MSI2: variants seen among roughly 807,000 people sequenced by gnomAD.
MSI2 encodes RNA-binding protein Musashi homolog 2.
Under a neutral mutation model 45.6 loss-of-function variants are expected in MSI2, and 17 were observed. That is an observed-to-expected ratio of 0.37 (90% confidence interval 0.26 to 0.56). The LOEUF is 0.56. MSI2 is among the 20% of genes least tolerant of loss of function. The pLI is 0.77. For synonymous variants in MSI2, 156 were observed against 158.2 expected, an observed-to-expected ratio of 0.99 and a Z score of 0.11; for missense variants, 293 against 444.2, an observed-to-expected ratio of 0.66 and a Z score of 3.06.
At chr17:57,352,469 A>T (rs1272836611) in intron 5 of MSI2, among the ~76,000 whole-genome samples, 1 of 152,360 alleles carries the variant, frequency 6.6e-6, no homozygotes, top group South Asian at 2.1e-4. Flanking sequence ...AGGGAAGCAG[A>T]TGAAGAGGAG....
At chr17:57,408,581 C>T (rs941572743) in intron 6 of MSI2, among the ~76,000 whole-genome samples, 3 of 152,174 alleles carry the variant, frequency 2.0e-5, no homozygotes, top group Admixed American at 1.3e-4. Context: ...AGTTAATGAG[C>T]CCTGGGTGGG....
At chr17:57,559,133 C>T (rs546527222) in intron 7 of MSI2, among the ~76,000 whole-genome samples, 5 of 152,122 alleles carry the variant, frequency 3.3e-5, no homozygotes, top group Non-Finnish European at 5.9e-5. Flanking sequence ...AAATCAGAAC[C>T]ACAAAAGCAG....
rs1464182485 is a variant in MSI2, at chr17:57,621,113, CT to C, written c.652+5030del. Among the ~76,000 whole-genome samples, 203 of 152,322 alleles carry C rather than the reference CT, an allele frequency of 1.3e-3. 2 individuals carry two copies. The highest frequency in any genetic ancestry group is 4.8e-3 in the African/African-American group (199 of 41,566). On this transcript the variant is annotated intron_variant, in intron 9 of 13. Transcript: ENST00000284073. ...GTTTCTCTTTCTTCTTGCTTCTTCC[CT>C]CGAAAGTGGTAGTGTAGCATCAGGC... is the stretch of plus-strand genomic sequence containing the variant.
the MSI2 span, among the ~76,000 whole-genome samples, chr17:57,698,924 T>TGTTTGTGC: frequency 1.0e-4 from 15 of 146,534 alleles, no homozygotes; most frequent in African/African-American, 3.4e-4. Context: ...TGTGTGTGTG[T>TGTTTGTGC]GTGTGTGTGT....
intron 7 of MSI2, among the ~76,000 whole-genome samples, chr17:57,539,554 C>T (rs1000164912): frequency 1.8e-4 from 4 of 22,062 alleles, no homozygotes; most frequent in Non-Finnish European, 3.5e-4. Context: ...TAGCCAGGAA[C>T]GGTGGCACGT....
At chr17:57,260,417 C>G (rs1163342933) in intron 4 of MSI2, among the ~76,000 whole-genome samples, 1 of 152,186 alleles carries the variant, frequency 6.6e-6, no homozygotes, top group Non-Finnish European at 1.5e-5. Flanking sequence ...CTTCTTCCAG[C>G]TCCTGGCACC....
intron 11 of MSI2, among the ~76,000 whole-genome samples, chr17:57,657,160 G>A (rs1042171657): frequency 6.6e-6 from 1 of 152,188 alleles, no homozygotes; most frequent in Non-Finnish European, 1.5e-5. Context: ...AAATGGTAGC[G>A]CTGTGGAAAG....
intron 7 of MSI2, among the ~76,000 whole-genome samples, chr17:57,584,841 A>G (rs1186875640): frequency 6.9e-6 from 1 of 145,018 alleles, no homozygotes; most frequent in Non-Finnish European, 1.5e-5. Flanking sequence ...TCTTTTTTTG[A>G]GTTGGGGTCT....
chr17:57,640,937 A>G (rs1278775622), intron 10 of MSI2, among the ~76,000 whole-genome samples: 3 of 152,232 alleles, frequency 2.0e-5, no homozygotes, highest in African/African-American at 7.2e-5. Context: ...AAAGTAAGGA[A>G]TAGAGAAGGC....
rs529302748 is a variant in MSI2, at chr17:57,665,816, C to T, written c.791-9156C>T. ...GGGGGAGGGGAGTTCTAGCGAGGGC[C>T]CAGGGTTAACCAGGGCTTACTTTCC... On this transcript the variant is annotated intron_variant, in intron 11 of 13. Transcript: ENST00000284073. Among the ~76,000 whole-genome samples, 3 of 152,222 alleles carry T rather than the reference C, an allele frequency of 2.0e-5. No individual in the cohort carries two copies. The East Asian group carries it at 5.8e-4, about 29-fold the overall frequency.
intron 5 of MSI2, chr17:57,267,565 T>G (rs1031765932): frequency 6.6e-6 from 1 of 152,058 alleles, no homozygotes; most frequent in Non-Finnish European, 1.5e-5. Context: ...CCATTCTTTG[T>G]GTCCTATTTT....
intron 6 of MSI2, among the ~76,000 whole-genome samples, chr17:57,410,514 T>C: frequency 6.6e-6 from 1 of 151,152 alleles, no homozygotes; most frequent in Non-Finnish European, 1.5e-5. Flanking sequence ...CTGTGTCTCT[T>C]GAAAAAAAAA....
intron 4 of MSI2, among the ~76,000 whole-genome samples, chr17:57,261,622 G>A (rs1907317637): frequency 6.6e-6 from 1 of 152,066 alleles, no homozygotes; most frequent in African/African-American, 2.4e-5. Context: ...GATGTCTGTG[G>A]GGAGTTTTTG....
In MSI2 at chr17:57,485,146, G is replaced by A. The variant is rs1260452814; in HGVS notation, c.406-44530G>A. ...AGAGTGGGTTTTGTTTCCCATTTAA[G>A]AACAGCCTTCCTGTCATCCAGCCTC... On this transcript the variant is annotated intron_variant, in intron 6 of 13. Transcript: ENST00000284073. 2.6e-5 allele frequency among the ~76,000 whole-genome samples: 4 copies of A among 152,144 alleles called. 1 individual carries two copies. The highest frequency in any genetic ancestry group is 5.9e-5 in the Non-Finnish European group (4 of 68,038).
intron 5 of MSI2, among the ~76,000 whole-genome samples, chr17:57,361,623 A>AG (rs202074174): frequency 4.0e-5 from 6 of 151,106 alleles, no homozygotes; most frequent in Non-Finnish European, 5.9e-5. Context: ...AAAAAAAAAA[A>AG]GGAAAATCAT....
At chr17:57,591,580 A>C (rs2144423222) in intron 7 of MSI2, among the ~76,000 whole-genome samples, 1 of 152,076 alleles carries the variant, frequency 6.6e-6, no homozygotes, top group South Asian at 2.1e-4. Flanking sequence ...ACAAAAAATT[A>C]GCCAGGCATG....
rs1260480479 is a variant in MSI2 at position 57,522,800 on chromosome 17, G to C, written c.406-6876G>C. 3 of 152,312 alleles carry C rather than the reference G, an allele frequency of 2.0e-5. No homozygotes were observed. In the East Asian group the frequency reaches 5.8e-4, roughly 29 times the overall value. The allele number at this position is 152,312 out of a possible 1,614,324, so 9.4% of individuals were successfully genotyped here. A position where few individuals can be genotyped will look rare whatever the true frequency, so the allele number is the denominator to read the frequency against. The stretch of plus-strand genomic sequence containing the variant: ...GGTGCGGCACTCCCCACCACACCCA[G>C]CTGCCTCCCAACACCTGCTGAGTTA... On this transcript the variant is annotated intron_variant, in intron 6 of 13. Transcript: ENST00000284073.
intron 5 of MSI2, among the ~76,000 whole-genome samples, chr17:57,294,404 C>A (rs142329589): frequency 1.3e-5 from 2 of 152,110 alleles, no homozygotes. Context: ...GCTGGCGTGG[C>A]ACTGTTGGGG....
chr17:57,330,258 C>T (rs999929371), intron 5 of MSI2, among the ~76,000 whole-genome samples: 1 of 151,320 alleles, frequency 6.6e-6, no homozygotes, highest in Non-Finnish European at 1.5e-5. Context: ...CAGTTTTTAC[C>T]TCCAAAAGCC....
Sources: allele counts gnomAD v4.1 joint callset (sites outside exome capture counted in the v4.1 genomes callset), GRCh38; gene constraint gnomAD v4.1.1; transcripts MANE v1.5; gene names NCBI Gene and HGNC (gene_info 2026-07-23, HGNC 2026-07-21).